Variants in PCDHA7 observed in about 807,000 individuals in gnomAD.
PCDHA7 encodes the protein protocadherin alpha 7.
Under a neutral mutation model 57.2 loss-of-function variants are expected in PCDHA7, and 37 were observed. That is an observed-to-expected ratio of 0.65 (90% CI 0.50 to 0.85). PCDHA7 has a LOEUF of 0.85. PCDHA7 is among the 40% of genes least tolerant of loss of function. The pLI is 0.00. For missense variants in PCDHA7, 1,188 were observed against 1,241.8 expected (o/e 0.96, Z 0.65); for synonymous variants, 553 against 558.8 (o/e 0.99, Z 0.15).
At chr5:140,884,396 C>T (rs2060144550) in intron 1 of PCDHA7, 1 of 1,614,012 alleles carries the variant, frequency 6.2e-7, no homozygotes, top group Middle Eastern at 1.6e-4. Context: ...GGTGTCCAGC[C>T]TGTTGGTGCT....
At chr5:140,982,074 T>TAGAGAACCTAGGAACA (rs1554243726) in intron 2 of PCDHA7, among the ~76,000 whole-genome samples, 1 of 151,090 alleles carries the variant, frequency 6.6e-6, no homozygotes, top group Non-Finnish European at 1.5e-5. Flanking sequence ...TTCTTTAGAG[T>TAGAGAACCTAGGAACA]AGAGAACCTA....
chr5:141,000,405 A>C lies in PCDHA7; in HGVS notation c.2504-9222A>C, dbSNP rs1290838400. Among the ~76,000 whole-genome samples the C allele has an allele frequency of 7.9e-5, 7 of 88,832 alleles. No individual in the cohort carries two copies. In the East Asian group the frequency reaches 9.8e-4, roughly 12 times the overall value. The allele number at this position is 88,832 out of a possible 152,430, so 58.3% of individuals were successfully genotyped here. On this transcript the variant is annotated intron_variant, in intron 3 of 3. Transcript: ENST00000525929. ...TCTCTCTCTCTCTCTCTATATATAT[A>C]TATATATATATATATATTTTTTTTT...
chr5:140,842,778 A>G lies in PCDHA7; in HGVS notation c.2355+6040A>G, dbSNP rs2150344056. 1.9e-5 allele frequency: 31 copies of G among 1,594,532 alleles called. No homozygotes were observed. The East Asian group carries it at 6.7e-4, about 34-fold the overall frequency. ...TCTGCGCGAGACGCGGACGCGCAGG[A>G]GAACGCGCTGGTGTCCTACTCGCTT... is the stretch of plus-strand genomic sequence containing the variant. On this transcript the variant is annotated intron_variant, in intron 1 of 3. Coordinates refer to ENST00000525929, the MANE Select transcript of PCDHA7 (RefSeq NM_018910.3).
intron 3 of PCDHA7, among the ~76,000 whole-genome samples, chr5:140,999,132 T>TC (rs2153955890): frequency 6.6e-6 from 1 of 152,278 alleles, no homozygotes; most frequent in African/African-American, 2.4e-5. Context: ...CTGGAAAATG[T>TC]CACAGCCGGA....
chr5:140,942,619 TA>T (rs35075175), intron 1 of PCDHA7, among the ~76,000 whole-genome samples: 84,954 of 148,808 alleles, frequency 0.57, 24,471 homozygotes, highest in African/African-American at 0.7. Context: ...TTGCCAATTG[TA>T]AAAAAAAAAA....
At chr5:140,990,772 C>T (rs1554251728) in intron 3 of PCDHA7, among the ~76,000 whole-genome samples, 1 of 152,164 alleles carries the variant, frequency 6.6e-6, no homozygotes, top group African/African-American at 2.4e-5. Context: ...AAATTTGGCT[C>T]TGTGTTGGAC....
At chr5:140,996,495 G>A (rs2097728470) in intron 3 of PCDHA7, among the ~76,000 whole-genome samples, 2 of 152,156 alleles carry the variant, frequency 1.3e-5, no homozygotes, top group South Asian at 4.1e-4. Context: ...GGCAAGTCTG[G>A]CTTCTTGGGG....
intron 1 of PCDHA7, chr5:140,870,894 T>C (rs2052511877): frequency 1.2e-6 from 2 of 1,613,938 alleles, no homozygotes; most frequent in East Asian, 2.2e-5. Flanking sequence ...GCGCAGTGGA[T>C]GCGGACTCAG....
chr5:140,848,498 G>A, intron 1 of PCDHA7: 1 of 1,584,262 alleles, frequency 6.3e-7, no homozygotes. Context: ...TATTTGAAAT[G>A]TTATACTCAA....
chr5:140,901,268 T>C (rs185427298), intron 1 of PCDHA7, among the ~76,000 whole-genome samples: 57 of 152,328 alleles, frequency 3.7e-4, no homozygotes, highest in African/African-American at 1.3e-3. Context: ...TGTGGGGTAT[T>C]ACTCAAGAAA....
chr5:140,849,506 T>C, intron 1 of PCDHA7: 1 of 1,596,374 alleles, frequency 6.3e-7, no homozygotes, highest in African/African-American at 1.4e-5. Context: ...GTACACTTCT[T>C]GTGGAAGTTG....
chr5:140,925,124 A>AGGAAGGAAGG (rs1554202565), intron 1 of PCDHA7, among the ~76,000 whole-genome samples: 1 of 151,854 alleles, frequency 6.6e-6, no homozygotes. Flanking sequence ...GAAGGAAGGA[A>AGGAAGGAAGG]AAAAAATTTC....
chr5:140,845,916 T>G (rs1288140729), intron 1 of PCDHA7, among the ~76,000 whole-genome samples: 2 of 149,722 alleles, frequency 1.3e-5, no homozygotes, highest in African/African-American at 4.9e-5. Context: ...ATTAATCTTA[T>G]TTTTGTGTAA....
chr5:140,862,620 G>T, intron 1 of PCDHA7: 1 of 528,384 alleles, frequency 1.9e-6, no homozygotes, highest in South Asian at 1.4e-5. Context: ...GTAACAACCC[G>T]CGGGGCTGCC....
At chr5:140,892,592 C>T (rs1053889046) in intron 1 of PCDHA7, among the ~76,000 whole-genome samples, 2 of 152,214 alleles carry the variant, frequency 1.3e-5, no homozygotes, top group Admixed American at 6.5e-5. Context: ...TATTCATTCA[C>T]CTATTTTTTT....
chr5:140,921,631 T>A (rs1435281144), intron 1 of PCDHA7, among the ~76,000 whole-genome samples: 1 of 152,206 alleles, frequency 6.6e-6, no homozygotes, highest in East Asian at 1.9e-4. Flanking sequence ...ATCATCATTA[T>A]GGTAGCTATT....
At chr5:140,873,858 A>G (rs1238963531) in intron 1 of PCDHA7, among the ~76,000 whole-genome samples, 9 of 152,022 alleles carry the variant, frequency 5.9e-5, no homozygotes, top group African/African-American at 1.9e-4. Context: ...ATGGGTTTTC[A>G]CCATGTTGGC....
intron 1 of PCDHA7, among the ~76,000 whole-genome samples, chr5:140,930,708 C>T (rs1554208021): frequency 2.0e-5 from 3 of 152,088 alleles, no homozygotes; most frequent in Admixed American, 2.0e-4. Flanking sequence ...AGTTATTCTT[C>T]CTCAAGTAAT....
At position 140,848,612 on chromosome 5, in the gene PCDHA7, C is replaced by T. The variant is rs141640003; in HGVS notation, c.2355+11874C>T. The T allele has an allele frequency of 2.7e-3, 4,330 of 1,586,952 alleles. 470 individuals carry two copies. Among genetic ancestry groups the T allele is most frequent in the Middle Eastern group, 9.9e-3 (57 of 5,730 alleles). On this transcript the variant is annotated intron_variant, in intron 1 of 3. Coordinates refer to ENST00000525929, the MANE Select transcript of PCDHA7 (RefSeq NM_018910.3). Reference sequence around the variant, plus strand: ...TCCACTACTCCGTCCCGGAGGAAGCCGAACACGGCACCTTCGTGGGCCGCA... The same window carrying T: ...TCCACTACTCCGTCCCGGAGGAAGCTGAACACGGCACCTTCGTGGGCCGCA...
Sources: allele counts gnomAD v4.1 joint callset (sites outside exome capture counted in the v4.1 genomes callset), GRCh38; gene constraint gnomAD v4.1.1; transcripts MANE v1.5; gene names NCBI Gene and HGNC (gene_info 2026-07-23, HGNC 2026-07-21).